CBLB: variants seen among roughly 807,000 people sequenced by gnomAD.
CBLB encodes Cbl proto-oncogene B.
CBLB carries 31 observed loss-of-function variants against 104.9 expected under a neutral mutation model. The ratio of observed to expected loss-of-function variants is 0.30; its 90% CI spans 0.22 to 0.40. CBLB has a LOEUF of 0.40. Ranked by LOEUF, CBLB falls within the 10% of genes least tolerant of loss-of-function variation. The pLI is 1.00. For synonymous variants in CBLB, 440 were observed against 422.6 expected, an observed-to-expected ratio of 1.04 and a Z score of -0.51; for missense variants, 1,062 against 1,214.6, an observed-to-expected ratio of 0.87 and a Z score of 1.87.
At chr3:105,805,732 A>T (rs571422397) in intron 3 of CBLB, among the ~76,000 whole-genome samples, 1 of 152,172 alleles carries the variant, frequency 6.6e-6, no homozygotes, top group African/African-American at 2.4e-5. Flanking sequence ...ATCAAAATCC[A>T]TTCATCTCCT....
intron 17 of CBLB, among the ~76,000 whole-genome samples, chr3:105,675,780 G>A (rs549314790): frequency 2.6e-5 from 4 of 151,714 alleles, no homozygotes; most frequent in South Asian, 2.1e-4. Context: ...AGCTACTTAG[G>A]GGGTAGAGGC....
intron 3 of CBLB, 41 bp downstream of exon 3, chr3:105,853,373 A>C: frequency 6.2e-7 from 1 of 1,606,912 alleles, no homozygotes; most frequent in Non-Finnish European, 8.5e-7. Flanking sequence ...AAAGCAACAT[A>C]AATGACCTTT....
intron 18 of CBLB, 72 bp from the exon 19 acceptor site, chr3:105,659,301 A>T: frequency 7.5e-7 from 1 of 1,340,632 alleles, no homozygotes; most frequent in Non-Finnish European, 1.1e-6. Flanking sequence ...ACATAACAGC[A>T]TTATCTCATT....
intron 4 of CBLB, among the ~76,000 whole-genome samples, chr3:105,775,592 C>T (rs6437615): frequency 0.99 from 150,862 of 152,320 alleles, 74,727 homozygotes; most frequent in Non-Finnish European, 1. Context: ...ATTCTGAGGA[C>T]GCGCTCTCAT....
At chr3:105,792,392 T>C (rs2081769435) in intron 3 of CBLB, among the ~76,000 whole-genome samples, 1 of 152,214 alleles carries the variant, frequency 6.6e-6, no homozygotes, top group Non-Finnish European at 1.5e-5. Context: ...GGAGCATCAT[T>C]GTTTTAGAGT....
At chr3:105,684,763 G>A (rs1042113655) in intron 14 of CBLB, among the ~76,000 whole-genome samples, 2 of 152,128 alleles carry the variant, frequency 1.3e-5, no homozygotes, top group Non-Finnish European at 2.9e-5. Context: ...ATGTTGGTCA[G>A]GCTGGTTTCA....
intron 3 of CBLB, among the ~76,000 whole-genome samples, chr3:105,828,602 C>G (rs528761859): frequency 3.5e-4 from 54 of 152,138 alleles, no homozygotes; most frequent in Admixed American, 1.3e-3. Flanking sequence ...AATTTTAGTT[C>G]CACACATTTT....
At chr3:105,793,418 G>A (rs1253038825) in intron 3 of CBLB, among the ~76,000 whole-genome samples, 9 of 150,026 alleles carry the variant, frequency 6.0e-5, no homozygotes, top group South Asian at 2.1e-4. Flanking sequence ...AGGAACTGAT[G>A]GAGGAAGGTG....
intron 3 of CBLB, among the ~76,000 whole-genome samples, chr3:105,813,332 G>C (rs1480672995): frequency 1.3e-5 from 2 of 152,016 alleles, no homozygotes; most frequent in Non-Finnish European, 2.9e-5. Flanking sequence ...GACAGACATG[G>C]GGATAAAAGA....
intron 3 of CBLB, among the ~76,000 whole-genome samples, chr3:105,846,332 G>A (rs1001158275): frequency 6.6e-6 from 1 of 151,902 alleles, no homozygotes; most frequent in Non-Finnish European, 1.5e-5. Flanking sequence ...ATGAATATAA[G>A]CCATTCCCTT....
At chr3:105,726,962 T>C (rs1010314337) in intron 9 of CBLB, among the ~76,000 whole-genome samples, 1 of 152,210 alleles carries the variant, frequency 6.6e-6, no homozygotes, top group Non-Finnish European at 1.5e-5. Flanking sequence ...TAGATGGACA[T>C]TTGGGTTGGT....
At chr3:105,829,443 G>C (rs1223260329) in intron 3 of CBLB, among the ~76,000 whole-genome samples, 1 of 151,904 alleles carries the variant, frequency 6.6e-6, no homozygotes, top group Admixed American at 6.6e-5. Context: ...AGAAATGCCT[G>C]AGCCCAGGAG....
intron 6 of CBLB, 106 bp from the exon 7 acceptor site, chr3:105,740,737 T>C (rs2075438678): frequency 5.2e-6 from 5 of 954,258 alleles, no homozygotes; most frequent in South Asian, 4.1e-5. Context: ...TCATTTAGAA[T>C]TCCTGAATAC....
chr3:105,839,061 A>AG (rs1303935514), intron 3 of CBLB, among the ~76,000 whole-genome samples: 1 of 152,252 alleles, frequency 6.6e-6, no homozygotes, highest in Admixed American at 6.5e-5. Flanking sequence ...TATACATAAA[A>AG]GGAGATAATT....
At chr3:105,709,581 C>T (rs1469673116) in intron 10 of CBLB, among the ~76,000 whole-genome samples, 6 of 151,864 alleles carry the variant, frequency 4.0e-5, no homozygotes, top group Non-Finnish European at 7.4e-5. Flanking sequence ...AAAAAATTAG[C>T]GGTAAACATT....
At chr3:105,681,266 A>C in intron 16 of CBLB, 4 of 596,762 alleles carry the variant, frequency 6.7e-6, no homozygotes, top group Non-Finnish European at 8.9e-6. Context: ...TTAAAACCTG[A>C]CTGATGCCCA....
chr3:105,761,791 A>G (rs2077660452), intron 4 of CBLB, among the ~76,000 whole-genome samples: 1 of 152,216 alleles, frequency 6.6e-6, no homozygotes, highest in Admixed American at 6.5e-5. Context: ...GGAACTGGAT[A>G]ACAGGGAGAG....
At chr3:105,688,547 TAGTATCTGAAGGC>T (rs1240828040) in intron 13 of CBLB, among the ~76,000 whole-genome samples, 1 of 152,102 alleles carries the variant, frequency 6.6e-6, no homozygotes, top group East Asian at 1.9e-4. Context: ...CTTCCTTTAA[TAGTATCTGAAGGC>T]AAGTAACGAA....
chr3:105,779,852 T>C (rs1464278016), intron 3 of CBLB, among the ~76,000 whole-genome samples: 1 of 152,166 alleles, frequency 6.6e-6, no homozygotes, highest in Non-Finnish European at 1.5e-5. Context: ...ATGCATCCTT[T>C]GATACCTATT....
Sources: allele counts gnomAD v4.1 joint callset (sites outside exome capture counted in the v4.1 genomes callset), GRCh38; gene constraint gnomAD v4.1.1; transcripts MANE v1.5; gene names NCBI Gene and HGNC (gene_info 2026-07-23, HGNC 2026-07-21).